Variants in HDAC5 observed in about 807,000 individuals in gnomAD.
HDAC5 encodes the protein antigen NY-CO-9.
Under a neutral mutation model 133.3 loss-of-function variants are expected in HDAC5, and 25 were observed. The observed-to-expected ratio is 0.19, with a 90% CI of 0.14 to 0.26. The LOEUF is 0.26. Ranked by LOEUF, HDAC5 falls within the 10% of genes least tolerant of loss-of-function variation. The pLI, the probability that HDAC5 is intolerant of heterozygous loss-of-function variation, is 1.00. For synonymous variants in HDAC5, 589 were observed against 610.8 expected, an observed-to-expected ratio of 0.96 and a Z score of 0.53; for missense variants, 1,041 against 1,460.5, an observed-to-expected ratio of 0.71 and a Z score of 4.68.
intron 3 of HDAC5, among the ~76,000 whole-genome samples, chr17:44,097,183 G>A (rs1344846300): frequency 1.3e-5 from 2 of 152,272 alleles, no homozygotes; most frequent in Non-Finnish European, 2.9e-5. Context: ...TGGAGGCCGA[G>A]GCCAAGGCCA....
At chr17:44,084,522 C>A in intron 16 of HDAC5, 33 bp downstream of exon 16, 1 of 1,609,654 alleles carries the variant, frequency 6.2e-7, no homozygotes, top group East Asian at 2.2e-5. Context: ...TGACACTGAA[C>A]ATGCCTGCCC....
chr17:44,080,847 G>T lies in HDAC5; in HGVS notation c.2643C>A (p.Phe881Leu), dbSNP rs1417750273. The change falls in exon 21 of 27, where the codon TTC becomes TTA. Residue 881 changes from phenylalanine (F) to leucine (L), a missense_variant. Phe to Leu is a conservative substitution (Grantham distance 22, BLOSUM62 0). This residue lies in a region of HDAC5 where 174 missense variants were observed against 352.7 expected (regional missense o/e 0.49). Coordinates refer to ENST00000682912, the MANE Select transcript of HDAC5 (RefSeq NM_005474.5). ...IHHGNGTQQA[F>L]YNDPSVLYIS... is the part of the protein sequence containing the mutation. ...TGTAGAGCACAGAGGGGTCATTGTA[G>T]AACGCCTGCTGGGTGCCATTGCCAT... The T allele has an allele frequency of 6.2e-7, 1 of 1,614,170 alleles. No homozygotes were observed. Among genetic ancestry groups the T allele is most frequent in the Non-Finnish European group, 8.5e-7 (1 of 1,180,006 alleles).
chr17:44,087,438 C>T lies in HDAC5; in HGVS notation c.1858G>A (p.Glu620Lys). 1 of 1,236,422 alleles carries T rather than the reference C, an allele frequency of 8.1e-7. No homozygotes were observed. Among genetic ancestry groups the T allele is most frequent in the Non-Finnish European group, 1.2e-6 (1 of 835,820 alleles). The allele number at this position is 1,236,422 out of a possible 1,614,324, so 76.6% of individuals were successfully genotyped here. A position where few individuals can be genotyped will look rare whatever the true frequency, so the allele number is the denominator to read the frequency against. The change falls in exon 13 of 27, where the codon GAG becomes AAG. Residue 620 changes from glutamate (E) to lysine (K), a missense_variant. Coordinates refer to ENST00000682912, the MANE Select transcript of HDAC5 (RefSeq NM_005474.5). ...ESGAEEGPDLEEPGAGYKKLF... is the reference protein window; with the variant it reads ...ESGAEEGPDLKEPGAGYKKLF... ...TTTTTGTATCCAGCACCAGGCTCCT[C>T]CAAGTCGGGCCCCTCCTCAGCACCA...
chr17:44,082,868 C>G (rs1406404612), intron 18 of HDAC5, 48 bp from the exon 19 acceptor site: 1 of 1,509,818 alleles, frequency 6.6e-7, no homozygotes, highest in South Asian at 1.2e-5. Flanking sequence ...GGCAGGAAGG[C>G]CGTGGAGGGG....
At chr17:44,114,244 A>G (rs1033714996) in intron 2 of HDAC5, among the ~76,000 whole-genome samples, 1 of 152,242 alleles carries the variant, frequency 6.6e-6, no homozygotes, top group Non-Finnish European at 1.5e-5. Flanking sequence ...GGGGCATCTC[A>G]GTAGAGAAGG....
chr17:44,086,225 G>A (rs867651175), intron 14 of HDAC5, among the ~76,000 whole-genome samples: 1 of 152,188 alleles, frequency 6.6e-6, no homozygotes, highest in Non-Finnish European at 1.5e-5. Flanking sequence ...GCTTCATAGG[G>A]AAGAGGACTC....
chr17:44,120,523 C>G (rs1487210627), intron 1 of HDAC5: 1 of 152,176 alleles, frequency 6.6e-6, no homozygotes, highest in African/African-American at 2.4e-5. Flanking sequence ...GGCGGATCAC[C>G]TGAGGTCAGG....
Position 44,082,834 on chromosome 17 carries a change from G to A in HDAC5, c.2464-14C>T, listed in dbSNP as rs1261293134. The A allele has an allele frequency of 6.4e-7, 1 of 1,552,302 alleles. No individual in the cohort carries two copies. The highest frequency in any genetic ancestry group is 2.4e-5 in the East Asian group (1 of 40,968). ...GGCAAATCCATTCTGAAGAGGTGCA[G>A]GCAGAGGTGAGGGGCAAGATCCAGG... On this transcript the variant is annotated splice_polypyrimidine_tract_variant and intron_variant, in intron 18 of 26. Coordinates refer to ENST00000682912, the MANE Select transcript of HDAC5 (RefSeq NM_005474.5).
At chr17:44,112,541 C>T (rs999335342) in intron 2 of HDAC5, among the ~76,000 whole-genome samples, 1 of 152,094 alleles carries the variant, frequency 6.6e-6, no homozygotes, top group African/African-American at 2.4e-5. Context: ...GGCATGGAGC[C>T]AGGGACACCT....
At chr17:44,111,144 G>A (rs764317526) in intron 2 of HDAC5, 2 of 397,258 alleles carry the variant, frequency 5.0e-6, no homozygotes, top group Non-Finnish European at 9.8e-6. Flanking sequence ...GGACAGGAAG[G>A]GGAGCTCAGC....
At position 44,080,126 on chromosome 17, in the gene HDAC5, G is replaced by A. The variant is rs776009279; in HGVS notation, c.2925C>T (p.Gly975=). The change falls in exon 23 of 27, where the codon GGC becomes GGT. Residue 975 remains glycine, a synonymous_variant. Transcript: ENST00000682912. ...GCTTACATCTGGCGGTGACAGAGTA[G>A]CCACCCAGAGGAGACAGATGTCCTT... ...AVEGHLSPLG[G]YSVTARCFGH... 1 of 1,613,196 alleles carries A rather than the reference G, an allele frequency of 6.2e-7. No individual in the cohort carries two copies. The highest frequency in any genetic ancestry group is 1.7e-5 in the Admixed American group (1 of 60,014).
Position 44,080,149 on chromosome 17 carries a change from C to A in HDAC5, c.2902G>T (p.Gly968Ter). The A allele has an allele frequency of 6.2e-7, 1 of 1,614,098 alleles. No individual in the cohort carries two copies. Among genetic ancestry groups the A allele is most frequent in the South Asian group, 1.1e-5 (1 of 91,082 alleles). ...TAGCCACCCAGAGGAGACAGATGTC[C>A]TTCAACAGCATCAAACCCGGCGGAG... is the stretch of plus-strand genomic sequence containing the variant. ...LVSAGFDAVE[G>*]HLSPLGGYSV... Residue 968 changes from glycine (G) to a stop codon, truncating the protein, a stop_gained, in exon 23 of 27, where the codon GGA becomes TGA. Transcript: ENST00000682912. LOFTEE classifies it high-confidence loss of function.
At chr17:44,115,947 C>A (rs1481104831) in intron 2 of HDAC5, 1 of 152,246 alleles carries the variant, frequency 6.6e-6, no homozygotes, top group African/African-American at 2.4e-5. Flanking sequence ...CTTGTCAGCT[C>A]CCACAGAGGT....
intron 14 of HDAC5, 48 bp from the exon 15 acceptor site, chr17:44,085,203 T>A: frequency 6.6e-7 from 1 of 1,505,028 alleles, no homozygotes; most frequent in Non-Finnish European, 9.0e-7. Flanking sequence ...GGGCCCAGGA[T>A]CCCAGCCTGG....
intron 2 of HDAC5, among the ~76,000 whole-genome samples, chr17:44,114,876 A>G (rs2052560701): frequency 6.6e-6 from 1 of 152,214 alleles, no homozygotes; most frequent in African/African-American, 2.4e-5. Flanking sequence ...TCAGGGAAGC[A>G]GGCAACCCCA....
rs1169639131 is a variant in HDAC5 at position 44,079,657 on chromosome 17, A to AG, written c.2945-381_2945-380insC. On this transcript the variant is annotated intron_variant, in intron 23 of 26. Transcript: ENST00000682912. ...TCCACCTCAAAAAAAAAAAAAAAAA[A>AG]AAAGAAAGAAAAGGAGAGAAAAAGA... is the stretch of plus-strand genomic sequence containing the variant. Among the ~76,000 whole-genome samples the AG allele has an allele frequency of 4.4e-4, 67 of 151,416 alleles. No individual in the cohort carries two copies. In the East Asian group the frequency reaches 8.2e-3, roughly 19 times the overall value.
chr17:44,087,765 C>A (rs1292806553), intron 12 of HDAC5, 69 bp from the exon 13 acceptor site: 85 of 1,471,834 alleles, frequency 5.8e-5, no homozygotes, highest in Non-Finnish European at 7.5e-5. Context: ...AAACCCAGAA[C>A]AGTCTATCCT....
intron 11 of HDAC5, among the ~76,000 whole-genome samples, chr17:44,090,962 T>C (rs2050916762): frequency 6.6e-6 from 1 of 152,236 alleles, no homozygotes; most frequent in South Asian, 2.1e-4. Context: ...GTGCTGGGAT[T>C]TCAGGCGTGA....
Position 44,088,528 on chromosome 17 carries a change from C to G in HDAC5, c.1458G>C (p.Lys486Asn), listed in dbSNP as rs751828968. 53 of 1,613,488 alleles carry G rather than the reference C, an allele frequency of 3.3e-5. No homozygotes were observed. Among genetic ancestry groups the G allele is most frequent in the Non-Finnish European group, 4.5e-5 (53 of 1,179,976 alleles). Residue 486 changes from lysine (K) to asparagine (N), a missense_variant, in exon 12 of 27, where the codon AAG (lysine) becomes AAC (asparagine). Coordinates refer to ENST00000682912, the MANE Select transcript of HDAC5 (RefSeq NM_005474.5). The part of the protein sequence containing the change: ...RVATSMRTVG[K>N]LPRHRPLSRT... ...GGCTCAGGGGCCGATGCCGCGGGAG[C>G]TTGCCTACCGTCCGCATGCTGGTGG...
Sources: gnomAD v4.1 joint callset for allele counts (sites outside exome capture counted in the v4.1 genomes callset) on GRCh38, gnomAD v4.1.1 for gene constraint, gnomAD v4.1.1 regional missense constraint, MANE v1.5 for transcripts, NCBI Gene and HGNC (gene_info 2026-07-23, HGNC 2026-07-21) for gene names.